Variants in SIK3 observed in about 807,000 individuals in gnomAD.
SIK3 encodes the protein serine/threonine-protein kinase SIK3.
A neutral mutation model predicts 144.2 loss-of-function variants in SIK3; 28 were observed. That is an observed-to-expected ratio of 0.19 (90% CI 0.14 to 0.27). The LOEUF is 0.27. Among genes scored for constraint, SIK3 ranks in the 10% least tolerant of loss-of-function variants. The pLI, the probability that SIK3 is intolerant of heterozygous loss-of-function variation, is 1.00. For synonymous variants in SIK3, 686 were observed against 676.3 expected, an observed-to-expected ratio of 1.01 and a Z score of -0.22; for missense variants, 1,319 against 1,776.0, an observed-to-expected ratio of 0.74 and a Z score of 4.62.
At chr11:116,956,035 A>T (rs549791803) in intron 2 of SIK3, among the ~76,000 whole-genome samples, 1 of 152,308 alleles carries the variant, frequency 6.6e-6, no homozygotes, top group African/African-American at 2.4e-5. Flanking sequence ...GACTAACAGC[A>T]GCAAAATAAC....
chr11:116,935,069 A>T (rs1355119004), intron 3 of SIK3, among the ~76,000 whole-genome samples: 3 of 150,172 alleles, frequency 2.0e-5, no homozygotes, highest in Non-Finnish European at 4.4e-5. Flanking sequence ...TGGGCGACAG[A>T]GTGAGACCCA....
At chr11:117,032,008 C>A (rs1452920083) in intron 1 of SIK3, among the ~76,000 whole-genome samples, 1 of 151,910 alleles carries the variant, frequency 6.6e-6, no homozygotes, top group East Asian at 1.9e-4. Flanking sequence ...TCTGTTATTC[C>A]TGCTTTTCTA....
chr11:116,996,154 A>G (rs1950658757), intron 1 of SIK3, among the ~76,000 whole-genome samples: 1 of 152,058 alleles, frequency 6.6e-6, no homozygotes, highest in Admixed American at 6.5e-5. Flanking sequence ...CTAAAAATAC[A>G]AAAATTAGCC....
At chr11:116,881,243 C>T (rs1182684473) in intron 6 of SIK3, among the ~76,000 whole-genome samples, 4 of 151,856 alleles carry the variant, frequency 2.6e-5, no homozygotes, top group African/African-American at 4.9e-5. Context: ...TTGGGCAATG[C>T]AAGAATATGC....
At position 117,058,346 on chromosome 11, in the gene SIK3, C is replaced by T. The variant is rs141351422; in HGVS notation, c.273+39797G>A. Among the ~76,000 whole-genome samples the T allele has an allele frequency of 9.1e-3, 1,388 of 152,058 alleles. 10 individuals carry two copies. The highest frequency in any genetic ancestry group is 0.014 in the Non-Finnish European group (976 of 67,978). On this transcript the variant is annotated intron_variant, in intron 1 of 24. Coordinates refer to ENST00000445177, the MANE Select transcript of SIK3 (RefSeq NM_001366686.3). ...ACCAGCCTGACCAACATGGTGAAAC[C>T]CCATCTCTGCTAAAAATACAGAAAG...
Position 116,867,980 on chromosome 11 carries a change from C to T in SIK3, c.1918G>A (p.Val640Ile). 1 of 1,549,846 alleles carries T rather than the reference C, an allele frequency of 6.5e-7. No individual in the cohort carries two copies. The highest frequency in any genetic ancestry group is 1.4e-5 in the African/African-American group (1 of 73,176). Residue 640 changes from valine to isoleucine, a missense_variant, in exon 15 of 25, where the codon GTC (valine) becomes ATC (isoleucine). Physicochemically the swap from Val to Ile is conservative, Grantham distance 29. Coordinates refer to ENST00000445177, the MANE Select transcript of SIK3 (RefSeq NM_001366686.3). This position sits in a 1 kb window ranked among gnomAD's most constrained non-coding sequence, Gnocchi z 4.1. ...TCAGGTACCAGGTGAGGAGGCCAGACCCGGGAACGGAAAGGCTGCTGTCCT... is the reference window on the plus strand; with the variant it reads ...TCAGGTACCAGGTGAGGAGGCCAGATCCGGGAACGGAAAGGCTGCTGTCCT... ...QLGQQPFRSR[V>I]WPPHLVPDQH...
chr11:117,029,134 C>G (rs556074521), intron 1 of SIK3, among the ~76,000 whole-genome samples: 14 of 152,302 alleles, frequency 9.2e-5, no homozygotes, highest in African/African-American at 3.4e-4. Context: ...GTCTCGAACT[C>G]TTGACCTCAA....
At chr11:117,002,701 G>A (rs1950898402) in intron 1 of SIK3, among the ~76,000 whole-genome samples, 1 of 152,192 alleles carries the variant, frequency 6.6e-6, no homozygotes. Context: ...AAAACAGTAT[G>A]AAGTAGAATT....
chr11:116,969,182 C>T (rs944068509), intron 1 of SIK3, among the ~76,000 whole-genome samples: 5 of 149,028 alleles, frequency 3.4e-5, no homozygotes, highest in East Asian at 2.0e-4. Context: ...CCCAGCTACT[C>T]GGGAGGCTGA....
intron 1 of SIK3, among the ~76,000 whole-genome samples, chr11:116,974,643 C>A (rs1591459657): frequency 1.3e-5 from 2 of 152,252 alleles, no homozygotes; most frequent in South Asian, 4.1e-4. Context: ...AAGTGATCTG[C>A]CTTGGACTCC....
At chr11:117,050,556 C>T (rs539329842) in intron 1 of SIK3, among the ~76,000 whole-genome samples, 1 of 150,222 alleles carries the variant, frequency 6.7e-6, no homozygotes, top group Admixed American at 6.7e-5. Flanking sequence ...CGTGGTGGCA[C>T]ACGCCTGTAA....
chr11:116,849,045 C>T lies in SIK3; in HGVS notation c.3819+75G>A. 1 of 1,460,232 alleles carries T rather than the reference C, an allele frequency of 6.8e-7. No homozygotes were observed. The allele number at this position is 1,460,232 out of a possible 1,614,324, so 90.5% of individuals were successfully genotyped here. On this transcript the variant is annotated intron_variant, in intron 22 of 24. Transcript: ENST00000445177. This position sits in a 1 kb window ranked among gnomAD's most constrained non-coding sequence, Gnocchi z 4.2. ...GAGGAGAGCGGCCAAGAGAGGCTAC[C>T]CCACATCACTATACTCTGTTTCAAG...
At chr11:117,069,927 A>G (rs765545897) in intron 1 of SIK3, among the ~76,000 whole-genome samples, 2 of 152,236 alleles carry the variant, frequency 1.3e-5, no homozygotes, top group African/African-American at 2.4e-5. Context: ...AATCTTTATG[A>G]GAAATTCGAT....
intron 4 of SIK3, among the ~76,000 whole-genome samples, chr11:116,911,375 C>T (rs1314658549): frequency 6.6e-6 from 1 of 151,974 alleles, no homozygotes; most frequent in Non-Finnish European, 1.5e-5. Context: ...GGTGTGGTGG[C>T]ACATGCCTGT....
At chr11:116,912,076 T>A (rs971735319) in intron 4 of SIK3, among the ~76,000 whole-genome samples, 6 of 152,228 alleles carry the variant, frequency 3.9e-5, no homozygotes, top group African/African-American at 1.4e-4. Context: ...TATAATTTGT[T>A]AAGTTGCTTT....
chr11:117,058,029 A>G (rs781443995), intron 1 of SIK3, among the ~76,000 whole-genome samples: 7 of 152,202 alleles, frequency 4.6e-5, no homozygotes, highest in Admixed American at 3.9e-4. Flanking sequence ...AGAAAGGAAC[A>G]CATAAGCTAA....
chr11:116,962,114 C>A (rs1353346288), intron 1 of SIK3, among the ~76,000 whole-genome samples: 2 of 152,066 alleles, frequency 1.3e-5, no homozygotes, highest in Admixed American at 1.3e-4. Context: ...ATTCTGACAC[C>A]ATATTTGTAA....
intron 6 of SIK3, among the ~76,000 whole-genome samples, chr11:116,891,467 G>A (rs573487370): frequency 6.6e-6 from 1 of 152,288 alleles, no homozygotes; most frequent in East Asian, 1.9e-4. Flanking sequence ...AGCAAACAAA[G>A]CTTTTGTTCA....
intron 1 of SIK3, among the ~76,000 whole-genome samples, chr11:116,986,978 G>C (rs1950344567): frequency 2.0e-5 from 3 of 152,184 alleles, no homozygotes; most frequent in Admixed American, 2.0e-4. Context: ...GGGAAATGAG[G>C]AGTTGTTACT....
Sources: gnomAD v4.1 joint callset for allele counts (sites outside exome capture counted in the v4.1 genomes callset) on GRCh38, gnomAD v4.1.1 for gene constraint, Gnocchi (gnomAD v3.1) non-coding constraint, MANE v1.5 for transcripts, NCBI Gene and HGNC (gene_info 2026-07-23, HGNC 2026-07-21) for gene names.